Variants in SEPTIN10 observed in about 807,000 individuals in gnomAD.
SEPTIN10 encodes the protein septin 10.
SEPTIN10 carries 66 observed loss-of-function variants against 54.8 expected under a neutral mutation model. The observed-to-expected ratio is 1.21, with a 90% confidence interval of 0.99 to 1.48. SEPTIN10 has a LOEUF of 1.48. Ranked by LOEUF, SEPTIN10 falls within the 40% of genes most tolerant of loss-of-function variation. SEPTIN10 has a pLI of 0.00. For synonymous variants in SEPTIN10, 161 were observed against 181.0 expected (o/e 0.89, Z 0.89); for missense variants, 620 against 545.6 (o/e 1.14, Z -1.36).
intron 2 of SEPTIN10, among the ~76,000 whole-genome samples, chr2:109,591,741 T>C (rs564311189): frequency 5.3e-5 from 8 of 151,840 alleles, no homozygotes; most frequent in Middle Eastern, 3.4e-3. Flanking sequence ...CTAGTAACAA[T>C]ACAAAAATTG....
chr2:109,561,812 G>GCA (rs1685711043), intron 8 of SEPTIN10, among the ~76,000 whole-genome samples: 1 of 152,086 alleles, frequency 6.6e-6, no homozygotes. Context: ...AATCCCATAT[G>GCA]CAAAAATAAT....
intron 9 of SEPTIN10, chr2:109,552,765 C>T (rs181851001): frequency 8.8e-6 from 2 of 228,142 alleles, no homozygotes; most frequent in South Asian, 7.8e-5. Flanking sequence ...AATTGTATAC[C>T]GTGGATTCAA....
At chr2:109,591,511 T>C (rs370625071) in intron 2 of SEPTIN10, among the ~76,000 whole-genome samples, 1 of 152,150 alleles carries the variant, frequency 6.6e-6, no homozygotes, top group South Asian at 2.1e-4. Context: ...GAAGATGGAA[T>C]AGACTGTTAG....
At chr2:109,571,419 C>T (rs146406082) in intron 5 of SEPTIN10, among the ~76,000 whole-genome samples, 33 of 152,252 alleles carry the variant, frequency 2.2e-4, no homozygotes, top group African/African-American at 7.0e-4. Flanking sequence ...TATGGTATGG[C>T]TCATTGTTTC....
At chr2:109,565,239 C>T (rs6732116) in intron 7 of SEPTIN10, among the ~76,000 whole-genome samples, 135,163 of 152,094 alleles carry the variant, frequency 0.89, 60,126 homozygotes, top group Middle Eastern at 0.97. Context: ...TTTGGAAATC[C>T]ATACTAGTAA....
intron 4 of SEPTIN10, among the ~76,000 whole-genome samples, chr2:109,578,753 T>A (rs1690378038): frequency 1.3e-5 from 2 of 150,860 alleles, no homozygotes; most frequent in African/African-American, 4.9e-5. Context: ...GCCAACAAAG[T>A]GAGATTCCAC....
chr2:109,554,234 T>C (rs1212303752), intron 8 of SEPTIN10, among the ~76,000 whole-genome samples: 2 of 152,004 alleles, frequency 1.3e-5, no homozygotes, highest in African/African-American at 4.8e-5. Context: ...AAAGGGAAAA[T>C]TGTAAAGATC....
chr2:109,553,569 G>A (rs1487915304), intron 8 of SEPTIN10, among the ~76,000 whole-genome samples: 3 of 138,188 alleles, frequency 2.2e-5, no homozygotes, highest in South Asian at 2.3e-4. Context: ...AGTGATATAA[G>A]TGGCCTGGCC....
chr2:109,599,210 C>G (rs1303739675), intron 1 of SEPTIN10, among the ~76,000 whole-genome samples: 1 of 152,144 alleles, frequency 6.6e-6, no homozygotes, highest in Non-Finnish European at 1.5e-5. Flanking sequence ...GTAACCCCAG[C>G]ACTCTGGGAG....
intron 4 of SEPTIN10, among the ~76,000 whole-genome samples, chr2:109,581,821 C>A (rs1292452307): frequency 6.6e-6 from 1 of 152,086 alleles, no homozygotes. Context: ...AAAGTCCTGG[C>A]CAGAGAAGTC....
intron 9 of SEPTIN10, chr2:109,552,808 C>T: frequency 3.2e-6 from 1 of 314,702 alleles, no homozygotes; most frequent in Non-Finnish European, 5.8e-6. Flanking sequence ...AATGTGTGCA[C>T]CCAAGAGGGT....
At chr2:109,600,133 G>A (rs1696300898) in intron 1 of SEPTIN10, among the ~76,000 whole-genome samples, 1 of 151,888 alleles carries the variant, frequency 6.6e-6, no homozygotes. Context: ...GGGATGTCAG[G>A]GCTGCCTGGC....
rs575534008 is a variant in SEPTIN10 at position 109,613,562 on chromosome 2, G to A, written c.30+236C>T. ...CGTTCAAGAACTCTCCCACCGTCCC[G>A]ACGCTGGCGCCGCGCCCCGCGAACC... is the stretch of plus-strand genomic sequence containing the variant. On this transcript the variant is annotated intron_variant, in intron 1 of 10. Transcript: ENST00000397712. 1.0e-3 allele frequency: 255 copies of A among 252,520 alleles called. 1 individual carries two copies. Among genetic ancestry groups the A allele is most frequent in the Admixed American group, 1.4e-3 (26 of 18,346 alleles). The allele number at this position is 252,520 out of a possible 1,614,324, so 15.6% of individuals were successfully genotyped here.
chr2:109,584,779 A>C (rs1422919939), intron 4 of SEPTIN10, among the ~76,000 whole-genome samples: 1 of 152,186 alleles, frequency 6.6e-6, no homozygotes, highest in South Asian at 2.1e-4. Context: ...TATTGTTCTT[A>C]TATGTCTTGT....
At chr2:109,551,349 C>A (rs1682916372) in intron 9 of SEPTIN10, among the ~76,000 whole-genome samples, 1 of 152,176 alleles carries the variant, frequency 6.6e-6, no homozygotes, top group East Asian at 1.9e-4. Context: ...TGAGTGGTAT[C>A]TTTTTATTAG....
At chr2:109,597,523 G>A (rs865816315) in intron 1 of SEPTIN10, among the ~76,000 whole-genome samples, 141 of 152,224 alleles carry the variant, frequency 9.3e-4, no homozygotes, top group African/African-American at 3.3e-3. Flanking sequence ...CCACAATCTC[G>A]TTTCAACGCA....
intron 1 of SEPTIN10, among the ~76,000 whole-genome samples, chr2:109,607,421 A>G (rs777684726): frequency 2.0e-5 from 3 of 152,128 alleles, no homozygotes; most frequent in Admixed American, 6.6e-5. Context: ...TGCATTCTCA[A>G]TGGGGGCAGT....
At chr2:109,578,562 T>C (rs1043365878) in intron 4 of SEPTIN10, among the ~76,000 whole-genome samples, 2 of 151,744 alleles carry the variant, frequency 1.3e-5, no homozygotes, top group African/African-American at 4.8e-5. Flanking sequence ...AGGTCAGGAG[T>C]TCGAGGCCAG....
intron 4 of SEPTIN10, among the ~76,000 whole-genome samples, chr2:109,575,707 GCAAA>G (rs1197307561): frequency 2.0e-5 from 3 of 152,152 alleles, no homozygotes; most frequent in Admixed American, 1.3e-4. Context: ...GAAAATAACA[GCAAA>G]CAGTTCCCAT....
Sources: allele counts gnomAD v4.1 joint callset (sites outside exome capture counted in the v4.1 genomes callset), GRCh38; gene constraint gnomAD v4.1.1; transcripts MANE v1.5; gene names NCBI Gene and HGNC (gene_info 2026-07-23, HGNC 2026-07-21).